WDR41: variants seen among roughly 807,000 people sequenced by gnomAD.
WDR41 encodes WD repeat domain 41.
Under a neutral mutation model 69.3 loss-of-function variants are expected in WDR41, and 63 were observed. The observed-to-expected ratio is 0.91, with a 90% confidence interval of 0.74 to 1.12. WDR41 has a LOEUF of 1.12. Ranked by LOEUF, WDR41 falls within the 50% of genes most tolerant of loss-of-function variation. WDR41 has a pLI of 0.00. For synonymous variants in WDR41, 185 were observed against 192.1 expected, an observed-to-expected ratio of 0.96 and a Z score of 0.31; for missense variants, 543 against 534.5, an observed-to-expected ratio of 1.02 and a Z score of -0.16.
intron 1 of WDR41, among the ~76,000 whole-genome samples, chr5:77,571,863 T>A (rs1009432526): frequency 6.6e-6 from 1 of 152,188 alleles, no homozygotes; most frequent in African/African-American, 2.4e-5. Context: ...TGTTAATGTG[T>A]TTAAATCCCA....
chr5:77,502,165 G>A (rs1802026010), intron 1 of WDR41, among the ~76,000 whole-genome samples: 1 of 152,138 alleles, frequency 6.6e-6, no homozygotes, highest in Non-Finnish European at 1.5e-5. Context: ...ACAGTATAGA[G>A]AAGATCTTAA....
chr5:77,477,404 A>T (rs1209828512), intron 2 of WDR41, among the ~76,000 whole-genome samples: 2 of 105,216 alleles, frequency 1.9e-5, no homozygotes, highest in South Asian at 3.2e-4. Context: ...CCTATTCCAA[A>T]ATTGACCACA....
rs770293096 is a variant in WDR41 at position 77,438,327 on chromosome 5, A to G, written c.917T>C (p.Val306Ala). The G allele has an allele frequency of 1.2e-6, 2 of 1,614,046 alleles. No homozygotes were observed. The highest frequency in any genetic ancestry group is 4.5e-5 in the East Asian group (2 of 44,876). Residue 306 changes from valine (V) to alanine (A), a missense_variant, in exon 10 of 13, where the codon GTG (valine) becomes GCG (alanine). By Grantham distance (64) the Val-to-Ala change is moderately conservative (BLOSUM62 0). Transcript: ENST00000296679. ...VFAAVGRGLY[V>A]YSLQMKRVIA... ...CACACGCTTCATTTGAAGGCTATAC[A>G]CGTATAAACCCCTTCCAACTGCAGC...
chr5:77,614,623 A>C, intron 1 of WDR41, among the ~76,000 whole-genome samples: 1 of 128,984 alleles, frequency 7.8e-6, no homozygotes, highest in Admixed American at 8.6e-5. Context: ...AGGAAGGGGA[A>C]CATCACACTC....
intron 1 of WDR41, among the ~76,000 whole-genome samples, chr5:77,549,584 G>T (rs1415403793): frequency 6.6e-6 from 1 of 152,034 alleles, no homozygotes; most frequent in Non-Finnish European, 1.5e-5. Flanking sequence ...AGATCTCTAT[G>T]AGGAGAACTA....
intron 2 of WDR41, among the ~76,000 whole-genome samples, chr5:77,471,583 G>A (rs931042031): frequency 7.9e-5 from 12 of 152,206 alleles, no homozygotes; most frequent in African/African-American, 2.2e-4. Flanking sequence ...AATAAAAAAT[G>A]ATAAAGGGGA....
At chr5:77,565,466 C>G (rs1227577835) in intron 1 of WDR41, among the ~76,000 whole-genome samples, 2 of 152,076 alleles carry the variant, frequency 1.3e-5, no homozygotes, top group Non-Finnish European at 2.9e-5. Context: ...TTTCCCTGAG[C>G]TGGGAGCCCC....
At chr5:77,595,882 A>G (rs1744219067) in intron 1 of WDR41, among the ~76,000 whole-genome samples, 1 of 152,198 alleles carries the variant, frequency 6.6e-6, no homozygotes, top group Non-Finnish European at 1.5e-5. Flanking sequence ...TAGAAAATAG[A>G]CAATTTTGTG....
In WDR41 at chr5:77,432,246, C is replaced by CT. The variant is rs1387322413; in HGVS notation, c.*888dup. 6.6e-6 allele frequency: 1 copy of CT among 152,192 alleles called. No homozygotes were observed. Among genetic ancestry groups the CT allele is most frequent in the East Asian group, 1.9e-4 (1 of 5,208 alleles). The allele number at this position is 152,192 out of a possible 1,614,324, so 9.4% of individuals were successfully genotyped here. ...ATTTCAATCTTTAATGTGTAGACTA[C>CT]TTTCTAATATTTTCATTTTTTAGCA... On this transcript the variant is annotated 3_prime_UTR_variant, in exon 13 of 13. Transcript: ENST00000296679.
intron 1 of WDR41, among the ~76,000 whole-genome samples, chr5:77,608,718 C>T (rs891863422): frequency 2.6e-5 from 4 of 152,212 alleles, no homozygotes; most frequent in African/African-American, 7.2e-5. Flanking sequence ...CAGCTCCCAG[C>T]GTGAGTGACG....
Position 77,557,178 on chromosome 5 carries a change from C to T in WDR41, c.42+63301G>A, listed in dbSNP as rs570787989. Among the ~76,000 whole-genome samples the T allele has an allele frequency of 2.6e-5, 4 of 152,154 alleles. No homozygotes were observed. The South Asian group carries it at 8.3e-4, about 32-fold the overall frequency. ...TGATCTCAAGGTAGTGAAAGATTTA[C>T]TAGACATAGCACAGAAAGTACTAAC... is the stretch of plus-strand genomic sequence containing the variant. On this transcript the variant is annotated intron_variant, in intron 1 of 5. Coordinates refer to the WDR41 transcript ENST00000509971.
At chr5:77,468,863 G>A (rs565192264) in intron 2 of WDR41, among the ~76,000 whole-genome samples, 1 of 152,148 alleles carries the variant, frequency 6.6e-6, no homozygotes, top group East Asian at 1.9e-4. Flanking sequence ...TAAGACGCAG[G>A]ATCTAAATAA....
intron 1 of WDR41, among the ~76,000 whole-genome samples, chr5:77,578,395 G>A (rs564306171): frequency 6.6e-6 from 1 of 152,220 alleles, no homozygotes; most frequent in Admixed American, 6.5e-5. Context: ...AGTATCCATA[G>A]TACTACATAT....
In WDR41 at chr5:77,539,513, G is replaced by C. The variant is rs145911246; in HGVS notation, c.43-49941C>G. Among the ~76,000 whole-genome samples the C allele has an allele frequency of 2.7e-3, 417 of 152,166 alleles. 1 individual carries two copies. The highest frequency in any genetic ancestry group is 5.3e-3 in the Non-Finnish European group (358 of 67,998). The stretch of plus-strand genomic sequence containing the variant: ...GGTGATTCCAGTCCTGCTGGTCTAG[G>C]GGGTGTACTTTGAATAGTAAGGTTT... On this transcript the variant is annotated intron_variant, in intron 1 of 5. Coordinates refer to the WDR41 transcript ENST00000509971.
chr5:77,586,989 A>G, intron 1 of WDR41, among the ~76,000 whole-genome samples: 1 of 152,164 alleles, frequency 6.6e-6, no homozygotes, highest in South Asian at 2.1e-4. Flanking sequence ...AAGTGCTGGG[A>G]TTACAGGCGT....
chr5:77,434,668 G>A (rs928880354), intron 12 of WDR41, among the ~76,000 whole-genome samples: 23 of 152,042 alleles, frequency 1.5e-4, no homozygotes, highest in African/African-American at 5.3e-4. Flanking sequence ...CTGCACTCCA[G>A]CCTGGGCAAC....
At position 77,433,295 on chromosome 5, in the gene WDR41, G is replaced by T; in HGVS notation, c.1228-8C>A. ...TTCAAAGTATAGAAACATCTGTAAA[G>T]AAAATTAAAACTGATTATAGGGACC... On this transcript the variant is annotated splice_polypyrimidine_tract_variant and splice_region_variant and intron_variant, in intron 12 of 12. Transcript: ENST00000296679. 1 of 1,607,812 alleles carries T rather than the reference G, an allele frequency of 6.2e-7. No individual in the cohort carries two copies. Among genetic ancestry groups the T allele is most frequent in the Non-Finnish European group, 8.5e-7 (1 of 1,178,090 alleles).
intron 3 of WDR41, among the ~76,000 whole-genome samples, chr5:77,464,504 C>G (rs1485744393): frequency 6.6e-6 from 1 of 151,806 alleles, no homozygotes; most frequent in African/African-American, 2.4e-5. Flanking sequence ...GCCTTGGCCT[C>G]CCAAAGTCCT....
At chr5:77,551,498 C>T (rs567683401) in intron 1 of WDR41, among the ~76,000 whole-genome samples, 44 of 148,320 alleles carry the variant, frequency 3.0e-4, no homozygotes, top group African/African-American at 9.5e-4. Context: ...GCCAACATAG[C>T]GAAACCCTGT....
Sources: allele counts gnomAD v4.1 joint callset (sites outside exome capture counted in the v4.1 genomes callset), GRCh38; gene constraint gnomAD v4.1.1; transcripts MANE v1.5; gene names NCBI Gene and HGNC (gene_info 2026-07-23, HGNC 2026-07-21).